Variants in USP49 observed in about 807,000 individuals in gnomAD.
The protein encoded by USP49 is ubiquitin specific peptidase 49.
USP49 carries 24 observed loss-of-function variants against 58.6 expected under a neutral mutation model. The observed-to-expected ratio is 0.41, with a 90% CI of 0.30 to 0.58. USP49 has a LOEUF of 0.58. Ranked by LOEUF, USP49 falls within the 20% of genes least tolerant of loss-of-function variation. USP49 has a pLI of 0.30. For missense variants in USP49, 703 were observed against 866.1 expected (o/e 0.81, Z 2.36); for synonymous variants, 408 against 365.1 (o/e 1.12, Z -1.34).
At chr6:41,866,204 C>T (rs1774316809) in intron 3 of USP49, among the ~76,000 whole-genome samples, 1 of 151,990 alleles carries the variant, frequency 6.6e-6, no homozygotes, top group African/African-American at 2.4e-5. Flanking sequence ...CAGGCGTTAG[C>T]CACTGCACCC....
chr6:41,832,143 C>T lies in USP49; in HGVS notation c.-28-25132G>A, dbSNP rs73424083. On this transcript the variant is annotated intron_variant, in intron 3 of 7. Transcript: ENST00000682992. ...TTTTTTTTACCATTCACCCCCTGCA[C>T]AAGGCTCTTGATATAAAGAACTAAG... Among the ~76,000 whole-genome samples the T allele has an allele frequency of 8.9e-3, 1,355 of 152,220 alleles. 27 individuals carry two copies. Among genetic ancestry groups the T allele is most frequent in the African/African-American group, 0.031 (1,303 of 41,528 alleles).
intron 5 of USP49, among the ~76,000 whole-genome samples, chr6:41,801,858 C>T (rs1773002569): frequency 6.6e-6 from 1 of 152,202 alleles, no homozygotes. Flanking sequence ...TTGTACTTGC[C>T]TAGAGAAATC....
chr6:41,827,905 C>T (rs1318147270), intron 3 of USP49, among the ~76,000 whole-genome samples: 3 of 152,056 alleles, frequency 2.0e-5, no homozygotes, highest in Non-Finnish European at 2.9e-5. Context: ...AGTAAAGAAA[C>T]TTCTCCAAGG....
rs186458452 is a variant in USP49, at chr6:41,859,512, T to C, written c.-29+12052A>G. 1.4e-3 allele frequency among the ~76,000 whole-genome samples: 213 copies of C among 152,264 alleles called. 2 individuals are homozygous for C. The highest frequency in any genetic ancestry group is 5.0e-3 in the African/African-American group (209 of 41,552). ...ACTTTCCCTTATTCAGCATCTACCA[T>C]GCTGTACTGTAATTGTCTGTCTGCT... On this transcript the variant is annotated intron_variant, in intron 3 of 7. Transcript: ENST00000682992.
chr6:41,806,690 G>A lies in USP49; in HGVS notation c.294C>T (p.Ser98=). 6.2e-7 allele frequency: 1 copy of A among 1,614,246 alleles called. No individual in the cohort carries two copies. The highest frequency in any genetic ancestry group is 8.5e-7 in the Non-Finnish European group (1 of 1,180,044). The part of the protein sequence containing the change: ...PEGDLKLLRS[S]LLAVRGQKQD... ...GTTTCTGGCCCCGGACCGCCAGGAG[G>A]GAGCTTCTTAGCAGCTTCAGGTCCC... The change falls in exon 4 of 8, where the codon TCC becomes TCT. Residue 98 remains serine, a synonymous_variant. Coordinates refer to ENST00000682992, the MANE Select transcript of USP49 (RefSeq NM_001286554.2). The surrounding 1 kb of genome is among the most constrained non-coding windows in gnomAD (Gnocchi z 5.9).
intron 2 of USP49, among the ~76,000 whole-genome samples, chr6:41,879,521 A>G (rs1774566223): frequency 6.6e-6 from 1 of 152,192 alleles, no homozygotes; most frequent in South Asian, 2.1e-4. Context: ...TGGGGATAGC[A>G]GACAAAGCTA....
rs1773113500 is a variant in USP49 at position 41,806,009 on chromosome 6, G to A, written c.975C>T (p.Cys325=). ...LSLRNDRAEA[C]EREGFCWNGR... ...CGTTCCAGCAGAAGCCCTCCCGCTC[G>A]CATGCCTCGGCCCTGTCATTTCTCA... Residue 325 remains cysteine (C), a synonymous_variant, in exon 4 of 8, where the codon TGC becomes TGT. Transcript: ENST00000682992. This position sits in a 1 kb window ranked among gnomAD's most constrained non-coding sequence, Gnocchi z 5.9. 2 of 1,613,896 alleles carry A rather than the reference G, an allele frequency of 1.2e-6. No individual in the cohort carries two copies. Among genetic ancestry groups the A allele is most frequent in the African/African-American group, 1.3e-5 (1 of 75,064 alleles).
At chr6:41,837,867 C>T (rs1773754921) in intron 3 of USP49, among the ~76,000 whole-genome samples, 1 of 152,218 alleles carries the variant, frequency 6.6e-6, no homozygotes, top group Admixed American at 6.5e-5. Context: ...CTCAGCATCA[C>T]TAATCATTAG....
At chr6:41,827,328 G>A (rs1038014172) in intron 3 of USP49, among the ~76,000 whole-genome samples, 4 of 152,096 alleles carry the variant, frequency 2.6e-5, no homozygotes, top group Non-Finnish European at 5.9e-5. Flanking sequence ...CATTTTCAGA[G>A]GTAGGTTACT....
At chr6:41,844,799 A>G (rs910688797) in intron 3 of USP49, among the ~76,000 whole-genome samples, 20 of 152,304 alleles carry the variant, frequency 1.3e-4, no homozygotes, top group Non-Finnish European at 4.4e-5. Flanking sequence ...TATCTGTATA[A>G]CTACTGTTAA....
At chr6:41,821,817 TTATAAGTCTCACTG>T (rs1201222258) in intron 3 of USP49, among the ~76,000 whole-genome samples, 1 of 152,144 alleles carries the variant, frequency 6.6e-6, no homozygotes, top group East Asian at 1.9e-4. Context: ...TCCTATACAT[TTATAAGTCTCACTG>T]TAGTCTCAGC....
At chr6:41,859,938 A>T (rs1715200156) in intron 3 of USP49, among the ~76,000 whole-genome samples, 1 of 152,220 alleles carries the variant, frequency 6.6e-6, no homozygotes, top group African/African-American at 2.4e-5. Flanking sequence ...AATGTTGTAT[A>T]TCCTAGAATA....
chr6:41,880,596 G>C (rs922143258), intron 2 of USP49, among the ~76,000 whole-genome samples: 7 of 152,136 alleles, frequency 4.6e-5, no homozygotes, highest in Non-Finnish European at 8.8e-5. Context: ...ATAGAGTGAT[G>C]CCTGATAAAG....
Position 41,806,287 on chromosome 6 carries a change from G to C in USP49, c.697C>G (p.Arg233Gly), listed in dbSNP as rs762616553. Residue 233 changes from arginine to glycine, a missense_variant, in exon 4 of 8, where the codon CGC becomes GGC. Around this residue, in one of 6 missense-constraint regions of USP49, gnomAD observed 376 missense variants for 373.5 expected, o/e 1.01. Coordinates refer to ENST00000682992, the MANE Select transcript of USP49 (RefSeq NM_001286554.2). This position sits in a 1 kb window ranked among gnomAD's most constrained non-coding sequence, Gnocchi z 5.9. ...ASRPAALPTS[R>G]RVPAATLKLR... ...TTGAGTGTGGCGGCGGGCACTCTGC[G>C]TGAGGTAGGGAGGGCGGCGGGGCGC... is the stretch of plus-strand genomic sequence containing the variant. 20 of 1,600,038 alleles carry C rather than the reference G, an allele frequency of 1.2e-5. No individual in the cohort carries two copies. Among genetic ancestry groups the C allele is most frequent in the Non-Finnish European group, 5.9e-6 (7 of 1,177,808 alleles).
chr6:41,806,349 A>C lies in USP49; in HGVS notation c.635T>G (p.Leu212Arg). Residue 212 changes from leucine (L) to arginine (R), a missense_variant, in exon 4 of 8, where the codon CTC (leucine) becomes CGC (arginine). Around this residue, in one of 6 missense-constraint regions of USP49, gnomAD observed 376 missense variants for 373.5 expected, o/e 1.01. Coordinates refer to ENST00000682992, the MANE Select transcript of USP49 (RefSeq NM_001286554.2). The surrounding 1 kb of genome is among the most constrained non-coding windows in gnomAD (Gnocchi z 5.9). ...STPPRKSARL[L>R]LHTPRDAGPA... ...GCCCGCGTCGCGGGGCGTGTGCAGGAGCAGCCGTGCACTCTTGCGCGGAGG... is the reference window on the plus strand; with the variant it reads ...GCCCGCGTCGCGGGGCGTGTGCAGGCGCAGCCGTGCACTCTTGCGCGGAGG... 6.5e-7 allele frequency: 1 copy of C among 1,530,552 alleles called. No individual in the cohort carries two copies. Among genetic ancestry groups the C allele is most frequent in the South Asian group, 1.3e-5 (1 of 79,108 alleles). The allele number at this position is 1,530,552 out of a possible 1,614,324, so 94.8% of individuals were successfully genotyped here. A position where few individuals can be genotyped will look rare whatever the true frequency, so the allele number is the denominator to read the frequency against.
intron 3 of USP49, among the ~76,000 whole-genome samples, chr6:41,822,344 T>C (rs1360412695): frequency 1.3e-5 from 2 of 152,182 alleles, no homozygotes; most frequent in African/African-American, 4.8e-5. Context: ...TTTCTGTGAA[T>C]AGAAAATAAA....
At chr6:41,880,417 T>C (rs1159506727) in intron 2 of USP49, among the ~76,000 whole-genome samples, 1 of 152,084 alleles carries the variant, frequency 6.6e-6, no homozygotes, top group Non-Finnish European at 1.5e-5. Context: ...AACTGAAAAG[T>C]GTTACCAAAT....
In USP49 at chr6:41,867,587, C is replaced by CAAAAAA. The variant is rs766568260; in HGVS notation, c.-29+3971_-29+3976dup. Among the ~76,000 whole-genome samples the CAAAAAA allele has an allele frequency of 2.8e-5, 2 of 71,222 alleles. 1 individual carries two copies. 46.7% of individuals were successfully genotyped at this position (71,222 alleles called of 152,430 possible). On this transcript the variant is annotated intron_variant, in intron 3 of 7. Transcript: ENST00000682992. Reference sequence around the variant, plus strand: ...TGAAACCCCGTCTCTACTAAAAATACAAAAAAAAAAAAAAAAAAGCTAGGA... The same window carrying CAAAAAA: ...TGAAACCCCGTCTCTACTAAAAATACAAAAAAAAAAAAAAAAAAAAAAAAGCTAGGA...
intron 1 of USP49, among the ~76,000 whole-genome samples, chr6:41,895,110 C>T (rs1774874951): frequency 6.8e-6 from 1 of 147,996 alleles, no homozygotes; most frequent in South Asian, 2.1e-4. Flanking sequence ...GAGGCGCGCG[C>T]TGCCTTTGTC....
Sources: gnomAD v4.1 joint callset for allele counts (sites outside exome capture counted in the v4.1 genomes callset) on GRCh38, gnomAD v4.1.1 for gene constraint, gnomAD v4.1.1 regional missense constraint, Gnocchi (gnomAD v3.1) non-coding constraint, MANE v1.5 for transcripts, NCBI Gene and HGNC (gene_info 2026-07-23, HGNC 2026-07-21) for gene names.